Variants in FAM90A1 observed in about 807,000 individuals in gnomAD.
FAM90A1 encodes the protein protein FAM90A1.
Under a neutral mutation model 14.8 loss-of-function variants are expected in FAM90A1, and 10 were observed. The ratio of observed to expected loss-of-function variants is 0.67; its 90% CI spans 0.42 to 1.14. The LOEUF (loss-of-function observed/expected upper bound fraction) is 1.14, where lower values mean the gene tolerates loss of function less well. Among genes scored for constraint, FAM90A1 ranks in the 50% most tolerant of loss-of-function variants. The pLI is 0.00. For synonymous variants in FAM90A1, 236 were observed against 248.4 expected, an observed-to-expected ratio of 0.95 and a Z score of 0.47; for missense variants, 567 against 602.8, an observed-to-expected ratio of 0.94 and a Z score of 0.62.
chr12:8,222,400 C>T lies in FAM90A1; in HGVS notation c.817G>A (p.Ala273Thr). The change falls in exon 7 of 7, where the codon GCC (alanine) becomes ACC (threonine). Residue 273 changes from alanine to threonine, a missense_variant. Transcript: ENST00000538603. ...CCTAGGCCCAAGCTGTGTGTGGCGG[C>T]TGGTGGGCAGGGCTGTGAGGTCACC... ...PAVTSQPCPP[A>T]ATHSLGLGSN... 1 of 1,611,738 alleles carries T rather than the reference C, an allele frequency of 6.2e-7. No homozygotes were observed. The highest frequency in any genetic ancestry group is 8.5e-7 in the Non-Finnish European group (1 of 1,179,848).
chr12:8,224,234 T>C lies in FAM90A1; in HGVS notation c.124-19A>G. ...ACTTGAGCTGTGGGTGGAAAGGAAG[T>C]GATGTCAGTGAGTGAGCTGAAGCCA... On this transcript the variant is annotated intron_variant, in intron 4 of 6. Coordinates refer to ENST00000538603, the MANE Select transcript of FAM90A1 (RefSeq NM_018088.3). The C allele has an allele frequency of 6.2e-7, 1 of 1,601,318 alleles. No individual in the cohort carries two copies. Among genetic ancestry groups the C allele is most frequent in the Admixed American group, 1.7e-5 (1 of 59,988 alleles).
At position 8,221,981 on chromosome 12, in the gene FAM90A1, G is replaced by C. The variant is rs764565725; in HGVS notation, c.1236C>G (p.Pro412=). ...CCGGCTTCTCAGGAGAGTGAAATGA[G>C]GGGGCCGTCAGCAGGCTGGAGCTCC... ...GRWSSSLLTA[P]SFHSPEKPGA... The change falls in exon 7 of 7, where the codon CCC becomes CCG. Residue 412 remains proline, a synonymous_variant. Coordinates refer to ENST00000538603, the MANE Select transcript of FAM90A1 (RefSeq NM_018088.3). 15 of 1,597,470 alleles carry C rather than the reference G, an allele frequency of 9.4e-6. No homozygotes were observed. The South Asian group carries it at 1.4e-4, about 15-fold the overall frequency.
Position 8,225,487 on chromosome 12 carries a change from G to A in FAM90A1, c.-57+349C>T, listed in dbSNP as rs201598936. 3.9e-3 allele frequency among the ~76,000 whole-genome samples: 599 copies of A among 152,092 alleles called. 1 individual carries two copies. Among genetic ancestry groups the A allele is most frequent in the South Asian group, 7.5e-3 (36 of 4,822 alleles). On this transcript the variant is annotated intron_variant, in intron 3 of 6. Transcript: ENST00000538603. ...TTTATTTATTTTTCTGGTATTTTAC[G>A]CATGCCACACGAATTCATCTAAACG...
chr12:8,226,226 G>GT (rs754793492), intron 2 of FAM90A1, 46 bp downstream of exon 2: 88 of 152,228 alleles, frequency 5.8e-4, no homozygotes, highest in African/African-American at 2.0e-3. Flanking sequence ...CATCTTTTTT[G>GT]TTTTTGTGTT....
chr12:8,222,513 C>A lies in FAM90A1; in HGVS notation c.704G>T (p.Gly235Val). 1 of 1,611,518 alleles carries A rather than the reference C, an allele frequency of 6.2e-7. No individual in the cohort carries two copies. The highest frequency in any genetic ancestry group is 8.5e-7 in the Non-Finnish European group (1 of 1,179,454). ...VVKPTHSSPA[G>V]GCREVPQAAS... ...AGCCTGGGGAACTTCTCGACAGCCA[C>A]CCGCAGGGCTGCTGTGTGTCGGCTT... The change falls in exon 7 of 7, where the codon GGT becomes GTT. Residue 235 changes from glycine (G) to valine (V), a missense_variant. Physicochemically the swap from Gly to Val is moderately radical, Grantham distance 109. Coordinates refer to ENST00000538603, the MANE Select transcript of FAM90A1 (RefSeq NM_018088.3).
intron 5 of FAM90A1, 108 bp downstream of exon 5, chr12:8,223,908 T>C (rs1229814200): frequency 2.6e-5 from 30 of 1,142,332 alleles, no homozygotes; most frequent in Non-Finnish European, 3.7e-5. Flanking sequence ...TCTGCAGCGT[T>C]CCTTCCCTGG....
chr12:8,223,241 T>A (rs1461013976), intron 6 of FAM90A1, among the ~76,000 whole-genome samples: 1 of 152,176 alleles, frequency 6.6e-6, no homozygotes, highest in East Asian at 1.9e-4. Context: ...CTTGCCATAA[T>A]TGGACAGAAA....
rs1591636884 is a variant in FAM90A1 at position 8,221,932 on chromosome 12, G to A, written c.1285C>T (p.His429Tyr). The A allele has an allele frequency of 2.5e-6, 4 of 1,596,502 alleles. No individual in the cohort carries two copies. In the East Asian group the frequency reaches 8.9e-5, roughly 36 times the overall value. The change falls in exon 7 of 7, where the codon CAT (histidine) becomes TAT (tyrosine). Residue 429 changes from histidine (H) to tyrosine (Y), a missense_variant. Coordinates refer to ENST00000538603, the MANE Select transcript of FAM90A1 (RefSeq NM_018088.3). Reference protein sequence around the residue: ...KPGAFLAQSPHVSEKSEGPCV... With the variant: ...KPGAFLAQSPYVSEKSEGPCV... ...GGACCCTCAGACTTCTCTGAGACATGAGGGCTCTGAGCGAGGAAGGCTCCC... is the reference window on the plus strand; with the variant it reads ...GGACCCTCAGACTTCTCTGAGACATAAGGGCTCTGAGCGAGGAAGGCTCCC...
Position 8,225,946 on chromosome 12 carries a change from G to A in FAM90A1, c.-167C>T, listed in dbSNP as rs1948934051. On this transcript the variant is annotated 5_prime_UTR_variant, in exon 3 of 7. Coordinates refer to ENST00000538603, the MANE Select transcript of FAM90A1 (RefSeq NM_018088.3). ...CCAGGAAGACGGAGGAAGGGGCAGA[G>A]AGGGACCTCTGCTTTCCAGGCTGCC... 1 of 152,288 alleles carries A rather than the reference G, an allele frequency of 6.6e-6. No individual in the cohort carries two copies. Among genetic ancestry groups the A allele is most frequent in the Non-Finnish European group, 1.5e-5 (1 of 68,060 alleles). The allele number at this position is 152,288 out of a possible 1,614,324, so 9.4% of individuals were successfully genotyped here. A position where few individuals can be genotyped will look rare whatever the true frequency, so the allele number is the denominator to read the frequency against.
chr12:8,223,190 G>A (rs1948870912), intron 6 of FAM90A1, among the ~76,000 whole-genome samples: 1 of 152,222 alleles, frequency 6.6e-6, no homozygotes, highest in African/African-American at 2.4e-5. Context: ...GCCTCTGAGG[G>A]ACTAATTTCC....
chr12:8,221,470 T>C lies in FAM90A1; in HGVS notation c.*352A>G, dbSNP rs1458065687. 1 of 401,132 alleles carries C rather than the reference T, an allele frequency of 2.5e-6. No homozygotes were observed. The allele number at this position is 401,132 out of a possible 1,614,324, so 24.8% of individuals were successfully genotyped here. On this transcript the variant is annotated 3_prime_UTR_variant, in exon 7 of 7. Coordinates refer to ENST00000538603, the MANE Select transcript of FAM90A1 (RefSeq NM_018088.3). The stretch of plus-strand genomic sequence containing the variant: ...CCCTAACTTTTCCCTTATTCAGTCG[T>C]CTAGAGAGCAAATACACAGTAATTC...
rs758023521 is a variant in FAM90A1 at position 8,222,750 on chromosome 12, C to T, written c.467G>A (p.Ser156Asn). The T allele has an allele frequency of 4.4e-6, 7 of 1,602,332 alleles. No homozygotes were observed. In the South Asian group the frequency reaches 7.7e-5, roughly 18 times the overall value. The change falls in exon 7 of 7, where the codon AGT becomes AAT. Residue 156 changes from serine (S) to asparagine (N), a missense_variant. Coordinates refer to ENST00000538603, the MANE Select transcript of FAM90A1 (RefSeq NM_018088.3). The stretch of plus-strand genomic sequence containing the variant: ...GACAGGGTCCACACGCGGCCTCTTA[C>T]TGGTTGTGTGGACCGGCATTGGCCC... ...ASGPMPVHTT[S>N]KRPRVDPVLS...
chr12:8,224,795 C>G lies in FAM90A1; in HGVS notation c.38G>C (p.Arg13Thr). 6.2e-7 allele frequency: 1 copy of G among 1,608,862 alleles called. No homozygotes were observed. The highest frequency in any genetic ancestry group is 8.5e-7 in the Non-Finnish European group (1 of 1,179,780). ...ARRDPKPGAK[R>T]LVRAQTLQKQ... is the part of the protein sequence containing the mutation. Reference sequence around the variant, plus strand: ...CTGGAGGGTCTGGGCTCTCACCAGTCTCTTTGCCCCAGGTTTGGGGTCACG... The same window carrying G: ...CTGGAGGGTCTGGGCTCTCACCAGTGTCTTTGCCCCAGGTTTGGGGTCACG... Residue 13 changes from arginine to threonine, a missense_variant, in exon 4 of 7, where the codon AGA (arginine) becomes ACA (threonine). Coordinates refer to ENST00000538603, the MANE Select transcript of FAM90A1 (RefSeq NM_018088.3).
At position 8,222,335 on chromosome 12, in the gene FAM90A1, G is replaced by A. The variant is rs1373092963; in HGVS notation, c.882C>T (p.Ala294=). 3 of 1,611,552 alleles carry A rather than the reference G, an allele frequency of 1.9e-6. No homozygotes were observed. The highest frequency in any genetic ancestry group is 1.7e-5 in the Admixed American group (1 of 60,014). Reference sequence around the variant, plus strand: ...TCAGGCAAGCCTGAATCGGAGCCGGGGCAGATCTCTTGGCTCCTGGCCCGA... The same window carrying A: ...TCAGGCAAGCCTGAATCGGAGCCGGAGCAGATCTCTTGGCTCCTGGCCCGA... ...LSFGPGAKRS[A]PAPIQACLNF... is the part of the protein sequence containing the mutation. The change falls in exon 7 of 7, where the codon GCC becomes GCT. Residue 294 remains alanine (A), a synonymous_variant. Coordinates refer to ENST00000538603, the MANE Select transcript of FAM90A1 (RefSeq NM_018088.3).
intron 3 of FAM90A1, among the ~76,000 whole-genome samples, chr12:8,225,433 T>A (rs1357649324): frequency 6.6e-6 from 1 of 152,244 alleles, no homozygotes; most frequent in African/African-American, 2.4e-5. Context: ...TTTCCTGTTC[T>A]ATCTTTTTGG....
At chr12:8,226,814 T>C (rs1346914296) in intron 1 of FAM90A1, among the ~76,000 whole-genome samples, 2 of 119,232 alleles carry the variant, frequency 1.7e-5, no homozygotes, top group Non-Finnish European at 3.4e-5. Context: ...TTTTTTTTTT[T>C]TTTTTTTTTT....
intron 4 of FAM90A1, 115 bp downstream of exon 4, chr12:8,224,595 G>C: frequency 1.1e-6 from 1 of 907,622 alleles, no homozygotes; most frequent in Non-Finnish European, 1.7e-6. Flanking sequence ...AAGCAACCTG[G>C]GTGGTGGTGA....
rs1948890677 is a variant in FAM90A1 at position 8,224,161 on chromosome 12, G to A, written c.178C>T (p.Pro60Ser). The A allele has an allele frequency of 1.2e-6, 2 of 1,612,060 alleles. No individual in the cohort carries two copies. Among genetic ancestry groups the A allele is most frequent in the Admixed American group, 3.3e-5 (2 of 60,024 alleles). ...FGHTARSTRC[P>S]MKCWKAALVP... ...AGGGCTGCCTTCCAGCACTTCATGGGGCACCTGGTACTTCTGGCCGTGTGG... is the reference window on the plus strand; with the variant it reads ...AGGGCTGCCTTCCAGCACTTCATGGAGCACCTGGTACTTCTGGCCGTGTGG... Residue 60 changes from proline to serine, a missense_variant, in exon 5 of 7, where the codon CCC (proline) becomes TCC (serine). By Grantham distance (74) the Pro-to-Ser change is moderately conservative. Coordinates refer to ENST00000538603, the MANE Select transcript of FAM90A1 (RefSeq NM_018088.3).
At chr12:8,227,319 T>C (rs1948964345) in intron 1 of FAM90A1, among the ~76,000 whole-genome samples, 161 bp downstream of exon 1, 1 of 152,164 alleles carries the variant, frequency 6.6e-6, no homozygotes, top group Non-Finnish European at 1.5e-5. Context: ...ACCTGCGCCG[T>C]GTGCTCTGGG....
Sources: gnomAD v4.1 joint callset for allele counts (sites outside exome capture counted in the v4.1 genomes callset) on GRCh38, gnomAD v4.1.1 for gene constraint, MANE v1.5 for transcripts, NCBI Gene and HGNC (gene_info 2026-07-23, HGNC 2026-07-21) for gene names.